The following MKNK1 variants were observed in gnomAD, a reference collection of about 807,000 sequenced individuals.
MKNK1 encodes the protein MAP kinase-interacting serine/threonine-protein kinase 1.
A neutral mutation model predicts 49.3 loss-of-function variants in MKNK1; 30 were observed. That is an observed-to-expected ratio of 0.61 (90% CI 0.46 to 0.83). MKNK1 has a LOEUF of 0.83. Ranked by LOEUF, MKNK1 falls within the 40% of genes least tolerant of loss-of-function variation. MKNK1 has a pLI of 0.00. For missense variants in MKNK1, 423 were observed against 524.7 expected (o/e 0.81, Z 1.89); for synonymous variants, 176 against 201.7 (o/e 0.87, Z 1.08).
At chr1:46,570,654 C>T (rs1669958986) in intron 7 of MKNK1, among the ~76,000 whole-genome samples, 1 of 152,238 alleles carries the variant, frequency 6.6e-6, no homozygotes, top group African/African-American at 2.4e-5. Flanking sequence ...TCCGCAACAG[C>T]AGAGGGGGCA....
chr1:46,583,430 G>A (rs1160679846), intron 2 of MKNK1, 101 bp from the exon 3 acceptor site: 3 of 788,994 alleles, frequency 3.8e-6, no homozygotes, highest in Non-Finnish European at 6.1e-6. Flanking sequence ...GGACCCAGGA[G>A]GTTTACACTG....
At chr1:46,588,179 T>C (rs796404589) in intron 2 of MKNK1, among the ~76,000 whole-genome samples, 5 of 152,344 alleles carry the variant, frequency 3.3e-5, no homozygotes, top group African/African-American at 1.2e-4. Flanking sequence ...GTCCAGACCA[T>C]TTCTAATCCA....
intron 8 of MKNK1, 36 bp downstream of exon 8, chr1:46,568,407 T>C (rs753689725): frequency 1.2e-6 from 2 of 1,606,798 alleles, no homozygotes; most frequent in South Asian, 2.2e-5. Flanking sequence ...CCTCGGTAAG[T>C]ATAAACTATA....
At chr1:46,571,160 AG>A (rs1670055350) in intron 7 of MKNK1, among the ~76,000 whole-genome samples, 1 of 152,270 alleles carries the variant, frequency 6.6e-6, no homozygotes, top group Non-Finnish European at 1.5e-5. Context: ...GTCATAGGAA[AG>A]GGGCTGTAAC....
At chr1:46,595,120 AG>A (rs1231575308) in intron 1 of MKNK1, 2 of 161,888 alleles carry the variant, frequency 1.2e-5, no homozygotes, top group African/African-American at 4.8e-5. Flanking sequence ...AATGGGAACA[AG>A]GTTTTGTGTC....
intron 1 of MKNK1, among the ~76,000 whole-genome samples, chr1:46,595,643 T>C (rs12083666): frequency 0.023 from 3,550 of 152,346 alleles, 126 homozygotes; most frequent in African/African-American, 0.08. Flanking sequence ...CTTCCTACTA[T>C]GCTCTTTATT....
At chr1:46,578,823 G>A (rs952029040) in intron 4 of MKNK1, among the ~76,000 whole-genome samples, 2 of 150,824 alleles carry the variant, frequency 1.3e-5, no homozygotes, top group Non-Finnish European at 3.0e-5. Context: ...GTGTGATCTC[G>A]GCTCACTGTG....
At chr1:46,566,376 C>CACAT (rs1176188768) in intron 8 of MKNK1, among the ~76,000 whole-genome samples, 4 of 152,122 alleles carry the variant, frequency 2.6e-5, no homozygotes, top group African/African-American at 9.7e-5. Flanking sequence ...ATGTATGTAC[C>CACAT]ACATTTTGTT....
At chr1:46,574,829 TA>T in intron 6 of MKNK1, 117 bp downstream of exon 6, 1 of 678,152 alleles carries the variant, frequency 1.5e-6, no homozygotes. Flanking sequence ...GGGCAGTTTT[TA>T]AGTCCTTCAT....
intron 9 of MKNK1, among the ~76,000 whole-genome samples, chr1:46,563,772 G>A (rs769545570): frequency 6.6e-6 from 1 of 152,206 alleles, no homozygotes; most frequent in African/African-American, 2.4e-5. Flanking sequence ...GGGGCCAGGC[G>A]TGGTGGCTCA....
intron 12 of MKNK1, chr1:46,559,953 T>C: frequency 1.8e-6 from 1 of 546,098 alleles, no homozygotes; most frequent in Admixed American, 3.1e-5. Flanking sequence ...GTCTTTGGGC[T>C]GTAAGTTACA....
chr1:46,595,909 G>A (rs1674006231), intron 1 of MKNK1, among the ~76,000 whole-genome samples: 3 of 152,148 alleles, frequency 2.0e-5, no homozygotes, highest in South Asian at 2.1e-4. Flanking sequence ...GAGCCACCAC[G>A]CCTAATTTTT....
At chr1:46,566,270 G>T (rs888037428) in intron 8 of MKNK1, among the ~76,000 whole-genome samples, 3 of 152,098 alleles carry the variant, frequency 2.0e-5, no homozygotes, top group Non-Finnish European at 4.4e-5. Context: ...GTTATGTTTG[G>T]CTTATTTCAC....
In MKNK1 at chr1:46,562,671, C is replaced by T; in HGVS notation, c.782G>A (p.Gly261Asp). ...CACCTGGCACACCCTGCAGACCTCG[C>T]CCCGGTCCCAGCCACAGTCGGCCCC... Reference protein sequence around the residue: ...HCGADCGWDRGEVCRVCQNKL... With the variant: ...HCGADCGWDRDEVCRVCQNKL... The change falls in exon 10 of 13, where the codon GGC becomes GAC. Residue 261 changes from glycine (G) to aspartate (D), a missense_variant. Transcript: ENST00000371945. 1.3e-6 allele frequency: 2 copies of T among 1,556,878 alleles called. No homozygotes were observed. Among genetic ancestry groups the T allele is most frequent in the South Asian group, 2.4e-5 (2 of 84,648 alleles).
Position 46,561,493 on chromosome 1 carries a change from G to A in MKNK1, c.954C>T (p.His318=). 2 of 1,613,528 alleles carry A rather than the reference G, an allele frequency of 1.2e-6. No individual in the cohort carries two copies. Among genetic ancestry groups the A allele is most frequent in the Non-Finnish European group, 1.7e-6 (2 of 1,179,624 alleles). ...AGTCACTCACCCCCTGCACCCATGG[G>A]TGCTGCAGAACTTGGGCGGCGCTAA... ...QRLSAAQVLQ[H]PWVQGQAPEK... is the part of the protein sequence containing the mutation. The change falls in exon 11 of 13, where the codon CAC becomes CAT. Residue 318 remains histidine, a synonymous_variant. Transcript: ENST00000371945.
intron 1 of MKNK1, among the ~76,000 whole-genome samples, chr1:46,599,079 G>A (rs1452746151): frequency 1.3e-5 from 2 of 152,180 alleles, no homozygotes; most frequent in Non-Finnish European, 2.9e-5. Flanking sequence ...TGTTATTCCC[G>A]CTTCTGATAT....
At chr1:46,591,470 A>T (rs529152626) in intron 2 of MKNK1, among the ~76,000 whole-genome samples, 1 of 152,288 alleles carries the variant, frequency 6.6e-6, no homozygotes, top group Admixed American at 6.5e-5. Flanking sequence ...GGCAGCCTTC[A>T]GAGCTGTCAC....
chr1:46,580,432 A>C, intron 4 of MKNK1, 98 bp downstream of exon 4: 1 of 849,042 alleles, frequency 1.2e-6, no homozygotes, highest in South Asian at 1.4e-5. Context: ...ACAGCTTCAG[A>C]GTCCCCATTC....
chr1:46,585,249 C>CAAAAAAAAAAA (rs58692301), intron 2 of MKNK1, among the ~76,000 whole-genome samples: 1 of 62,134 alleles, frequency 1.6e-5, no homozygotes, highest in African/African-American at 6.3e-5. Context: ...GATTCCGTCT[C>CAAAAAAAAAAA]AAAAAAAAAA....
Sources: allele counts gnomAD v4.1 joint callset (sites outside exome capture counted in the v4.1 genomes callset), GRCh38; gene constraint gnomAD v4.1.1; transcripts MANE v1.5; gene names NCBI Gene and HGNC (gene_info 2026-07-23, HGNC 2026-07-21).